Variants in PDE6A observed in about 807,000 individuals in gnomAD.
PDE6A encodes the protein phosphodiesterase 6A.
In PDE6A, 84 loss-of-function variants were observed where a neutral mutation model predicts 106.3. The ratio of observed to expected loss-of-function variants is 0.79; its 90% CI spans 0.66 to 0.95. PDE6A has a LOEUF of 0.95. Among genes scored for constraint, PDE6A ranks in the 40% least tolerant of loss-of-function variants. The probability of loss-of-function intolerance (pLI) is 0.00; values close to 1 mark genes in which losing one functional copy is unlikely to be tolerated. For synonymous variants in PDE6A, 394 were observed against 386.6 expected (o/e 1.02, Z -0.23); for missense variants, 1,052 against 1,084.9 (o/e 0.97, Z 0.43).
In PDE6A at chr5:149,882,261, C is replaced by G. The variant is rs556315024; in HGVS notation, c.2135+1168G>C. Among the ~76,000 whole-genome samples the G allele has an allele frequency of 6.6e-5, 10 of 151,984 alleles. No homozygotes were observed. In the East Asian group the frequency reaches 7.7e-4, roughly 12 times the overall value. ...GGAGTGGCAACTTGCTGCTGCCCCCCCCGTTTCCGGAGCCTGTCCCAGTGG... is the reference window on the plus strand; with the variant it reads ...GGAGTGGCAACTTGCTGCTGCCCCCGCCGTTTCCGGAGCCTGTCCCAGTGG... On this transcript the variant is annotated intron_variant, in intron 17 of 21. Transcript: ENST00000255266.
chr5:149,903,777 A>C (rs947838876), intron 7 of PDE6A, 82 bp from the exon 8 acceptor site: 8 of 999,892 alleles, frequency 8.0e-6, no homozygotes, highest in Non-Finnish European at 1.3e-5. Context: ...CATTTTCAGA[A>C]ACACCATGTT....
intron 8 of PDE6A, among the ~76,000 whole-genome samples, chr5:149,900,051 A>AT (rs908145711): frequency 1.2e-4 from 19 of 152,036 alleles, no homozygotes; most frequent in African/African-American, 4.6e-4. Context: ...TTCTTGATCA[A>AT]TTATAAGATG....
chr5:149,934,745 A>T, intron 1 of PDE6A, 27 bp from the exon 2 acceptor site: 1 of 1,612,790 alleles, frequency 6.2e-7, no homozygotes, highest in Non-Finnish European at 8.5e-7. Context: ...ATAAGCACGG[A>T]CAGGCAAATG....
intron 4 of PDE6A, among the ~76,000 whole-genome samples, chr5:149,927,543 G>C (rs1753898360): frequency 6.6e-6 from 1 of 151,988 alleles, no homozygotes; most frequent in Non-Finnish European, 1.5e-5. Flanking sequence ...CTCTTGAGTA[G>C]CTGGGATTGC....
chr5:149,878,397 G>GTTA (rs1760816950), intron 17 of PDE6A, among the ~76,000 whole-genome samples: 1 of 151,808 alleles, frequency 6.6e-6, no homozygotes, highest in African/African-American at 2.4e-5. Flanking sequence ...AAGTGTTATC[G>GTTA]TTTATTTAAC....
At chr5:149,919,464 T>G (rs1035803522) in intron 5 of PDE6A, among the ~76,000 whole-genome samples, 1 of 152,258 alleles carries the variant, frequency 6.6e-6, no homozygotes, top group East Asian at 1.9e-4. Context: ...GCTGAGATCA[T>G]GCCACTGCAC....
chr5:149,904,085 A>G (rs1753090276), intron 7 of PDE6A, among the ~76,000 whole-genome samples: 1 of 152,154 alleles, frequency 6.6e-6, no homozygotes, highest in Admixed American at 6.5e-5. Context: ...TGTCTCTACT[A>G]AAAATACAGA....
chr5:149,863,631 T>G lies in PDE6A; in HGVS notation c.2359-365A>C, dbSNP rs1365975980. Among the ~76,000 whole-genome samples the G allele has an allele frequency of 3.3e-5, 5 of 152,074 alleles. No individual in the cohort carries two copies. Among genetic ancestry groups the G allele is most frequent in the Non-Finnish European group, 7.4e-5 (5 of 67,994 alleles). On this transcript the variant is annotated intron_variant, in intron 20 of 21. Transcript: ENST00000255266. The surrounding 1 kb of genome is among the most constrained non-coding windows in gnomAD (Gnocchi z 4.7). ...CCTCACACAAGCTGCTCTTTTCTTT[T>G]TTTTTTCTTTCCAAGACAGGGCCTC... is the stretch of plus-strand genomic sequence containing the variant.
chr5:149,902,855 T>C (rs928362593), intron 8 of PDE6A, among the ~76,000 whole-genome samples: 51 of 149,822 alleles, frequency 3.4e-4, no homozygotes, highest in African/African-American at 1.2e-3. Flanking sequence ...AGAAATTACA[T>C]TCAGCCAGAG....
chr5:149,885,883 C>G (rs908296096), intron 14 of PDE6A, among the ~76,000 whole-genome samples: 4 of 152,182 alleles, frequency 2.6e-5, no homozygotes, highest in African/African-American at 9.7e-5. Flanking sequence ...GTAGGCCATG[C>G]CTCCATCTTC....
At chr5:149,884,276 ATG>A (rs1354412099) in intron 16 of PDE6A, among the ~76,000 whole-genome samples, 1 of 137,340 alleles carries the variant, frequency 7.3e-6, no homozygotes, top group Admixed American at 7.2e-5. Context: ...ATATGTATAT[ATG>A]TGTATATATG....
chr5:149,932,977 G>A (rs748616174), intron 3 of PDE6A, among the ~76,000 whole-genome samples: 1 of 152,186 alleles, frequency 6.6e-6, no homozygotes, highest in Non-Finnish European at 1.5e-5. Flanking sequence ...AAGCGCAAAA[G>A]CTAAAGTGTT....
intron 4 of PDE6A, among the ~76,000 whole-genome samples, chr5:149,929,420 A>C (rs1753959208): frequency 6.6e-6 from 1 of 151,982 alleles, no homozygotes; most frequent in Non-Finnish European, 1.5e-5. Context: ...TCCTGGCTAA[A>C]ACAGTGAAAC....
intron 1 of PDE6A, among the ~76,000 whole-genome samples, chr5:149,935,166 TATGAG>T (rs1754147125): frequency 6.6e-6 from 1 of 152,192 alleles, no homozygotes; most frequent in South Asian, 2.1e-4. Flanking sequence ...CGCAATAAGC[TATGAG>T]ATAAGTACCA....
At chr5:149,867,952 G>T in intron 18 of PDE6A, 143 bp downstream of exon 18, 1 of 1,100,234 alleles carries the variant, frequency 9.1e-7, no homozygotes, top group Non-Finnish European at 1.4e-6. Context: ...CTGGAGAGAC[G>T]TAAAATGATT....
chr5:149,892,629 C>T (rs1467664277), intron 13 of PDE6A, among the ~76,000 whole-genome samples: 1 of 151,902 alleles, frequency 6.6e-6, no homozygotes, highest in African/African-American at 2.4e-5. Flanking sequence ...TAGCTGGGAC[C>T]ACAGGCGTGC....
At chr5:149,865,273 G>T (rs929600250) in intron 20 of PDE6A, among the ~76,000 whole-genome samples, 1 of 150,876 alleles carries the variant, frequency 6.6e-6, no homozygotes, top group East Asian at 1.9e-4. Context: ...AGCTGGATGT[G>T]GTGGTGTGCA....
chr5:149,908,715 T>C (rs1469468653), intron 6 of PDE6A, among the ~76,000 whole-genome samples: 3 of 152,020 alleles, frequency 2.0e-5, no homozygotes, highest in Non-Finnish European at 1.5e-5. Flanking sequence ...TACTCATTTT[T>C]GTTCCTTAAA....
At position 149,939,512 on chromosome 5, in the gene PDE6A, T is replaced by C. The variant is rs1754271717; in HGVS notation, c.474+4688A>G. ...TACAGCATCCATCACTTAGAATAGA[T>C]CCTTAACAACGACAACAATAACAGT... On this transcript the variant is annotated intron_variant, in intron 1 of 21. Transcript: ENST00000255266. Among the ~76,000 whole-genome samples, 3 of 152,214 alleles carry C rather than the reference T, an allele frequency of 2.0e-5. No homozygotes were observed. In the South Asian group the frequency reaches 6.2e-4, roughly 32 times the overall value.
Sources: allele counts gnomAD v4.1 joint callset (sites outside exome capture counted in the v4.1 genomes callset), GRCh38; gene constraint gnomAD v4.1.1; non-coding constraint Gnocchi (gnomAD v3.1); transcripts MANE v1.5; gene names NCBI Gene and HGNC (gene_info 2026-07-23, HGNC 2026-07-21).